PLCG2: variants seen among roughly 807,000 people sequenced by gnomAD.
The protein encoded by PLCG2 is 1-phosphatidylinositol 4,5-bisphosphate phosphodiesterase gamma-2.
In PLCG2, 69 loss-of-function variants were observed where a neutral mutation model predicts 175.6. The ratio of observed to expected loss-of-function variants is 0.39; its 90% CI spans 0.32 to 0.48. The LOEUF is 0.48. Ranked by LOEUF, PLCG2 falls within the 20% of genes least tolerant of loss-of-function variation. The probability of loss-of-function intolerance (pLI) is 0.91; values close to 1 mark genes in which losing one functional copy is unlikely to be tolerated. For missense variants in PLCG2, 1,798 were observed against 1,650.9 expected, an observed-to-expected ratio of 1.09 and a Z score of -1.54; for synonymous variants, 827 against 624.0, an observed-to-expected ratio of 1.33 and a Z score of -4.85.
intron 14 of PLCG2, among the ~76,000 whole-genome samples, chr16:81,905,063 T>G (rs997319696): frequency 2.6e-5 from 4 of 152,212 alleles, no homozygotes; most frequent in African/African-American, 9.6e-5. Context: ...AATTTTTTTA[T>G]TTTTGTAGAT....
chr16:81,936,174 C>G lies in PLCG2; in HGVS notation c.2848C>G (p.Pro950Ala), dbSNP rs1474988760. ...ACCTTTTTCTCTGTGTGCAGAAAAT[C>G]CTGACTTCCGAGAAATCCGCTCCTT... ...TSKTKDNLEN[P>A]DFREIRSFVE... The change falls in exon 27 of 33, where the codon CCT (proline) becomes GCT (alanine). Residue 950 changes from proline to alanine, a missense_variant. Coordinates refer to ENST00000564138, the MANE Select transcript of PLCG2 (RefSeq NM_002661.5). The G allele has an allele frequency of 1.2e-6, 2 of 1,613,872 alleles. No homozygotes were observed. Among genetic ancestry groups the G allele is most frequent in the Non-Finnish European group, 1.7e-6 (2 of 1,180,030 alleles).
chr16:81,758,149 G>A (rs979467049), intron 2 of PLCG2, among the ~76,000 whole-genome samples: 1 of 151,992 alleles, frequency 6.6e-6, no homozygotes, highest in Non-Finnish European at 1.5e-5. Context: ...CTAGATTTTT[G>A]TATTATTTTG....
intron 31 of PLCG2, among the ~76,000 whole-genome samples, chr16:81,955,592 G>A (rs1911534427): frequency 1.3e-5 from 2 of 152,166 alleles, no homozygotes; most frequent in South Asian, 4.1e-4. Context: ...TTCAGTCATG[G>A]CTGAATCTCT....
chr16:81,962,230 A>AC lies in PLCG2; in HGVS notation c.*4234dup. 1 of 191,098 alleles carries AC rather than the reference A, an allele frequency of 5.2e-6. No individual in the cohort carries two copies. Among genetic ancestry groups the AC allele is most frequent in the African/African-American group, 2.3e-5 (1 of 43,132 alleles). 11.8% of individuals were successfully genotyped at this position (191,098 alleles called of 1,614,324 possible). On this transcript the variant is annotated 3_prime_UTR_variant, in exon 33 of 33. Transcript: ENST00000564138. ...GAAGCAAAAAGGATGGCTAAAAAGG[A>AC]CCTCAACCCTTTTGACTTTAAAAGG...
intron 12 of PLCG2, among the ~76,000 whole-genome samples, chr16:81,895,096 G>C (rs1247881973): frequency 1.4e-4 from 22 of 152,288 alleles, no homozygotes; most frequent in African/African-American, 4.3e-4. Context: ...GGGTCCAAAA[G>C]ATTGGGGATG....
chr16:81,946,509 G>A (rs140852962), intron 31 of PLCG2, among the ~76,000 whole-genome samples: 2 of 152,186 alleles, frequency 1.3e-5, no homozygotes, highest in East Asian at 1.9e-4. Flanking sequence ...AAAGGGTGCC[G>A]GTACTTGTAA....
At chr16:81,873,183 G>C (rs1331621335) in intron 7 of PLCG2, among the ~76,000 whole-genome samples, 2 of 152,228 alleles carry the variant, frequency 1.3e-5, no homozygotes, top group Admixed American at 6.5e-5. Flanking sequence ...AACTGACCAA[G>C]TAATGTTGGG....
rs1555509092 is a variant in PLCG2 at position 81,816,651 on chromosome 16, A to ACTTTTTTTTTTTTT, written c.193+30469_193+30470insCTTTTTTTTTTTTT. On this transcript the variant is annotated intron_variant, in intron 2 of 32. Transcript: ENST00000564138. ...GCACCACCATGCCCAGCTAATTTTA[A>ACTTTTTTTTTTTTT]TTTTTTTTTTTTTTTTTTTTTTTTT... is the stretch of plus-strand genomic sequence containing the variant. 2.7e-4 allele frequency among the ~76,000 whole-genome samples: 29 copies of ACTTTTTTTTTTTTT among 108,880 alleles called. 10 individuals are homozygous for ACTTTTTTTTTTTTT. The highest frequency in any genetic ancestry group is 9.8e-4 in the African/African-American group (26 of 26,504). 71.4% of individuals were successfully genotyped at this position (108,880 alleles called of 152,430 possible). A position where few individuals can be genotyped will look rare whatever the true frequency, so the allele number is the denominator to read the frequency against.
intron 18 of PLCG2, among the ~76,000 whole-genome samples, chr16:81,911,898 A>C (rs934452139): frequency 4.1e-5 from 6 of 146,302 alleles, no homozygotes; most frequent in Middle Eastern, 3.5e-3. Flanking sequence ...CCTGGGTTCA[A>C]GTGATTCTCC....
At position 81,960,483 on chromosome 16, in the gene PLCG2, G is replaced by A. The variant is rs1475884509; in HGVS notation, c.*2485G>A. 1 of 230,370 alleles carries A rather than the reference G, an allele frequency of 4.3e-6. No individual in the cohort carries two copies. Among genetic ancestry groups the A allele is most frequent in the East Asian group, 6.2e-5 (1 of 16,158 alleles). The allele number at this position is 230,370 out of a possible 1,614,324, so 14.3% of individuals were successfully genotyped here. ...TATTTAGAATATTGGTTATTACAAG[G>A]AAAAATAAAGTGGGGAGGCTGGTTA... On this transcript the variant is annotated 3_prime_UTR_variant, in exon 33 of 33. Transcript: ENST00000564138.
chr16:81,916,097 C>T (rs1012926044), intron 19 of PLCG2, among the ~76,000 whole-genome samples: 4 of 152,084 alleles, frequency 2.6e-5, no homozygotes, highest in African/African-American at 9.7e-5. Context: ...TGGGAACATT[C>T]TGCAGCTTTT....
At chr16:81,928,697 A>C in intron 24 of PLCG2, 73 bp downstream of exon 24, 1 of 983,438 alleles carries the variant, frequency 1.0e-6, no homozygotes. Context: ...CCCGCCCTAC[A>C]CAGGGAGGTG....
At chr16:81,771,610 T>C (rs1405367912) in intron 2 of PLCG2, among the ~76,000 whole-genome samples, 1 of 152,036 alleles carries the variant, frequency 6.6e-6, no homozygotes, top group Non-Finnish European at 1.5e-5. Context: ...TGTCTCCCCA[T>C]TGAGAGGTAA....
At chr16:81,835,236 A>G (rs1905454061) in intron 2 of PLCG2, among the ~76,000 whole-genome samples, 1 of 152,186 alleles carries the variant, frequency 6.6e-6, no homozygotes, top group Non-Finnish European at 1.5e-5. Flanking sequence ...AAATGGGATA[A>G]TTTAGGTGAA....
intron 2 of PLCG2, among the ~76,000 whole-genome samples, chr16:81,790,888 A>G (rs796174606): frequency 2.2e-4 from 34 of 152,152 alleles, no homozygotes; most frequent in African/African-American, 8.0e-4. Context: ...AGGCTGTTAA[A>G]TGTTCTGTAG....
At chr16:81,889,349 GT>G in intron 10 of PLCG2, 76 bp downstream of exon 10, 1 of 799,846 alleles carries the variant, frequency 1.3e-6, no homozygotes, top group Non-Finnish European at 2.1e-6. Context: ...TTTATTTTCT[GT>G]TTGTCTTTCC....
chr16:81,798,440 C>T (rs902668089), intron 2 of PLCG2: 1 of 152,260 alleles, frequency 6.6e-6, no homozygotes, highest in Non-Finnish European at 1.5e-5. Context: ...GATATAAAAG[C>T]AGCCCAGTGC....
intron 2 of PLCG2, among the ~76,000 whole-genome samples, chr16:81,773,551 C>T (rs186989653): frequency 6.6e-6 from 1 of 152,272 alleles, no homozygotes; most frequent in East Asian, 1.9e-4. Context: ...TACACTATTG[C>T]TCTTGGCTTT....
chr16:81,875,373 T>C (rs1183533043), intron 7 of PLCG2, among the ~76,000 whole-genome samples: 1 of 152,196 alleles, frequency 6.6e-6, no homozygotes, highest in East Asian at 1.9e-4. Context: ...AGAGGTTACT[T>C]TGCTGAAGGC....
Sources: gnomAD v4.1 joint callset for allele counts (sites outside exome capture counted in the v4.1 genomes callset) on GRCh38, gnomAD v4.1.1 for gene constraint, MANE v1.5 for transcripts, NCBI Gene and HGNC (gene_info 2026-07-23, HGNC 2026-07-21) for gene names.